SCN3A: variants seen among roughly 807,000 people sequenced by gnomAD.
SCN3A encodes sodium voltage-gated channel alpha subunit 3, also known as sodium channel protein type 3 subunit alpha.
Under a neutral mutation model 187.6 loss-of-function variants are expected in SCN3A, and 60 were observed. The ratio of observed to expected loss-of-function variants is 0.32; its 90% CI spans 0.26 to 0.40. The LOEUF (loss-of-function observed/expected upper bound fraction) is 0.40, where lower values mean the gene tolerates loss of function less well. Ranked by LOEUF, SCN3A falls within the 10% of genes least tolerant of loss-of-function variation. SCN3A has a pLI of 1.00. For synonymous variants in SCN3A, 788 were observed against 829.2 expected, an observed-to-expected ratio of 0.95 and a Z score of 0.85; for missense variants, 1,601 against 2,428.2, an observed-to-expected ratio of 0.66 and a Z score of 7.16.
intron 11 of SCN3A, 66 bp downstream of exon 11, chr2:165,154,386 A>G (rs1354623126): frequency 6.5e-7 from 1 of 1,535,124 alleles, no homozygotes; most frequent in Non-Finnish European, 9.0e-7. Context: ...CCTCTATAGT[A>G]TAACACTATT....
At chr2:165,166,299 G>T (rs898045997) in intron 5 of SCN3A, among the ~76,000 whole-genome samples, 1 of 152,096 alleles carries the variant, frequency 6.6e-6, no homozygotes, top group Non-Finnish European at 1.5e-5. Flanking sequence ...ACACAGAATA[G>T]GTATTCAAAA....
intron 21 of SCN3A, among the ~76,000 whole-genome samples, chr2:165,108,695 A>AATTATGTAT (rs899486155): frequency 1.3e-5 from 2 of 152,162 alleles, no homozygotes; most frequent in African/African-American, 4.8e-5. Context: ...ATATTAATTA[A>AATTATGTAT]ATTATGTATT....
intron 15 of SCN3A, among the ~76,000 whole-genome samples, chr2:165,132,552 T>C (rs1574173293): frequency 2.6e-5 from 4 of 152,200 alleles, no homozygotes; most frequent in African/African-American, 9.7e-5. Context: ...ATTTAATAAA[T>C]GGTGCTGGGA....
chr2:165,090,798 C>A lies in SCN3A; in HGVS notation c.5355G>T (p.Leu1785=), dbSNP rs1168861134. Reference sequence around the variant, plus strand: ...AGAACATCTCAAAGTCATCCTCACTCAGGGGCTCTGCACTTTCTTCAGTAG... The same window carrying A: ...AGAACATCTCAAAGTCATCCTCACTAAGGGGCTCTGCACTTTCTTCAGTAG... The part of the protein sequence containing the change: ...SVATEESAEP[L]SEDDFEMFYE... Residue 1785 remains leucine (L), a synonymous_variant, in exon 28 of 28, where the codon CTG becomes CTT. Coordinates refer to ENST00000283254, the MANE Select transcript of SCN3A (RefSeq NM_006922.4). This position sits in a 1 kb window ranked among gnomAD's most constrained non-coding sequence, Gnocchi z 4.0. 2 of 1,614,068 alleles carry A rather than the reference C, an allele frequency of 1.2e-6. No individual in the cohort carries two copies. Among genetic ancestry groups the A allele is most frequent in the Admixed American group, 3.3e-5 (2 of 59,982 alleles).
chr2:165,091,891 T>A (rs1685124967), intron 27 of SCN3A: 7 of 339,386 alleles, frequency 2.1e-5, no homozygotes, highest in South Asian at 2.0e-4. Flanking sequence ...CCAGCAGAGA[T>A]GGCTACTTCC....
intron 1 of SCN3A, among the ~76,000 whole-genome samples, chr2:165,188,570 A>C (rs1691384212): frequency 6.6e-6 from 1 of 152,108 alleles, no homozygotes. Context: ...CGGGTGGATC[A>C]CAAGGTCAGG....
intron 5 of SCN3A, 69 bp from the exon 6 acceptor site, chr2:165,164,589 AG>A: frequency 6.5e-7 from 1 of 1,530,134 alleles, no homozygotes; most frequent in Admixed American, 1.7e-5. Flanking sequence ...TTTCAATCAT[AG>A]CAAATCCTAT....
intron 9 of SCN3A, among the ~76,000 whole-genome samples, chr2:165,156,879 C>T (rs781285872): frequency 6.6e-6 from 1 of 151,706 alleles, no homozygotes; most frequent in Non-Finnish European, 1.5e-5. Context: ...CCTAAAGTTA[C>T]TATTTTATTC....
chr2:165,097,699 A>C, intron 22 of SCN3A, 175 bp from the exon 23 acceptor site: 1 of 779,836 alleles, frequency 1.3e-6, no homozygotes, highest in African/African-American at 1.7e-5. Context: ...AAACAATGAC[A>C]CAACTAAAGA....
chr2:165,089,325 C>G lies in SCN3A; in HGVS notation c.*825G>C, dbSNP rs1056262716. On this transcript the variant is annotated 3_prime_UTR_variant, in exon 28 of 28. Coordinates refer to ENST00000283254, the MANE Select transcript of SCN3A (RefSeq NM_006922.4). ...AATACTGCAGCAGAAAGTGGAACAACTATTCTAAAGCAATACTTTAGATAT... is the reference window on the plus strand; with the variant it reads ...AATACTGCAGCAGAAAGTGGAACAAGTATTCTAAAGCAATACTTTAGATAT... The G allele has an allele frequency of 6.6e-6, 1 of 152,550 alleles. No homozygotes were observed. The highest frequency in any genetic ancestry group is 2.4e-5 in the African/African-American group (1 of 41,428). The allele number at this position is 152,550 out of a possible 1,614,324, so 9.4% of individuals were successfully genotyped here.
chr2:165,098,150 A>G (rs919218132), intron 22 of SCN3A, among the ~76,000 whole-genome samples: 4 of 152,150 alleles, frequency 2.6e-5, no homozygotes, highest in African/African-American at 9.7e-5. Context: ...TTACTTCACA[A>G]TCTCTTAAAT....
Position 165,090,042 on chromosome 2 carries a change from T to TA in SCN3A, c.*107dup. On this transcript the variant is annotated 3_prime_UTR_variant, in exon 28 of 28. Transcript: ENST00000283254. This position sits in a 1 kb window ranked among gnomAD's most constrained non-coding sequence, Gnocchi z 4.0. ...ATAGGCACTGACTATGAGTATTTGT[T>TA]AAAACAGTCAGTTTGGCATGGACCT... 6.7e-7 allele frequency: 1 copy of TA among 1,496,036 alleles called. No homozygotes were observed. The highest frequency in any genetic ancestry group is 9.0e-7 in the Non-Finnish European group (1 of 1,113,548). 92.7% of individuals were successfully genotyped at this position (1,496,036 alleles called of 1,614,324 possible).
intron 11 of SCN3A, among the ~76,000 whole-genome samples, chr2:165,151,441 ACAGAGAC>A (rs1227289207): frequency 6.6e-6 from 1 of 152,248 alleles, no homozygotes; most frequent in Non-Finnish European, 1.5e-5. Flanking sequence ...AAATTGAGTA[ACAGAGAC>A]CAGATTTGCT....
In SCN3A at chr2:165,139,590, C is replaced by T. The variant is rs1553527554; in HGVS notation, c.2038G>A (p.Glu680Lys). 3.1e-6 allele frequency: 5 copies of T among 1,613,844 alleles called. No homozygotes were observed. Among genetic ancestry groups the T allele is most frequent in the Non-Finnish European group, 4.2e-6 (5 of 1,179,862 alleles). ...GAGCTTAACCTTCTCTTTCTGACTT[C>T]CGTTTCTGTGGTGGTGCCCTGCAAA... is the stretch of plus-strand genomic sequence containing the variant. Reference protein sequence around the residue: ...LPPEGTTTETEVRKRRLSSYQ... With the variant: ...LPPEGTTTETKVRKRRLSSYQ... Residue 680 changes from glutamate to lysine, a missense_variant, in exon 14 of 28, where the codon GAA becomes AAA. Coordinates refer to ENST00000283254, the MANE Select transcript of SCN3A (RefSeq NM_006922.4).
Position 165,176,290 on chromosome 2 carries a change from C to T in SCN3A, c.105G>A (p.Lys35=), listed in dbSNP as rs982704823. 9.9e-6 allele frequency: 16 copies of T among 1,614,016 alleles called. No homozygotes were observed. Among genetic ancestry groups the T allele is most frequent in the Non-Finnish European group, 1.3e-5 (15 of 1,179,982 alleles). Residue 35 remains lysine (K), a synonymous_variant, in exon 3 of 28, where the codon AAG becomes AAA. Coordinates refer to ENST00000283254, the MANE Select transcript of SCN3A (RefSeq NM_006922.4). The stretch of plus-strand genomic sequence containing the variant: ...CATTATCTTGTTCCTTTTTGGGCTT[C>T]TTGGCTTTCTCTTCTGCAGCACGTT... ...IEKRAAEEKA[K]KPKKEQDNDD...
At chr2:165,184,483 G>GAAAAA (rs397986547) in intron 2 of SCN3A, among the ~76,000 whole-genome samples, 8 of 59,552 alleles carry the variant, frequency 1.3e-4, no homozygotes, top group South Asian at 6.1e-4. Flanking sequence ...GTCTAGTTCA[G>GAAAAA]AAAAAAAAAA....
At chr2:165,164,284 A>G in intron 6 of SCN3A, 108 bp downstream of exon 6, 1 of 1,394,250 alleles carries the variant, frequency 7.2e-7, no homozygotes, top group South Asian at 1.2e-5. Flanking sequence ...CCATATAGTT[A>G]ACTTGACTAA....
chr2:165,167,408 A>G (rs1315535384), intron 5 of SCN3A, among the ~76,000 whole-genome samples: 2 of 152,100 alleles, frequency 1.3e-5, no homozygotes, highest in Non-Finnish European at 2.9e-5. Context: ...CTGACAAATA[A>G]TGGCTTAGAG....
intron 18 of SCN3A, among the ~76,000 whole-genome samples, chr2:165,120,358 TTATATAGAAATTCCCCCA>T (rs893091322): frequency 6.6e-6 from 1 of 151,856 alleles, no homozygotes; most frequent in African/African-American, 2.4e-5. Flanking sequence ...TAGAGTGACC[TTATATAGAAATTCCCCCA>T]TATGACAAAT....
Sources: gnomAD v4.1 joint callset for allele counts (sites outside exome capture counted in the v4.1 genomes callset) on GRCh38, gnomAD v4.1.1 for gene constraint, Gnocchi (gnomAD v3.1) non-coding constraint, MANE v1.5 for transcripts, NCBI Gene and HGNC (gene_info 2026-07-23, HGNC 2026-07-21) for gene names.